The following NOX4 variants were observed in gnomAD, a reference collection of about 807,000 sequenced individuals.
The protein encoded by NOX4 is kidney oxidase-1.
NOX4 carries 69 observed loss-of-function variants against 87.6 expected under a neutral mutation model. The observed-to-expected ratio is 0.79, with a 90% confidence interval of 0.65 to 0.96. The LOEUF (loss-of-function observed/expected upper bound fraction) is 0.96. Ranked by LOEUF, NOX4 falls within the 40% of genes least tolerant of loss-of-function variation. The pLI is 0.00. For missense variants in NOX4, 680 were observed against 681.5 expected (o/e 1.00, Z 0.02); for synonymous variants, 275 against 238.2 (o/e 1.15, Z -1.42).
In NOX4 at chr11:89,342,061, C is replaced by T; in HGVS notation, c.1337+13G>A. 6.3e-7 allele frequency: 1 copy of T among 1,595,476 alleles called. No individual in the cohort carries two copies. Among genetic ancestry groups the T allele is most frequent in the Non-Finnish European group, 8.5e-7 (1 of 1,170,228 alleles). On this transcript the variant is annotated intron_variant, in intron 14 of 17. Transcript: ENST00000263317. ...CTCTATTTGGATTAACAAAATAGAT[C>T]AAAATGACATACAACAGGGTGTTGA...
the NOX4 span, among the ~76,000 whole-genome samples, chr11:89,568,609 A>C: frequency 5.9e-5 from 9 of 152,358 alleles, no homozygotes; most frequent in South Asian, 2.1e-4. Context: ...ATACTGCCCA[A>C]AGCAATTTAT....
upstream of NOX4, among the ~76,000 whole-genome samples, chr11:89,495,256 C>T (rs1183991718): frequency 2.6e-5 from 4 of 152,180 alleles, no homozygotes; most frequent in Admixed American, 2.0e-4. Flanking sequence ...GGATTACATG[C>T]ATGAGCCACT....
At chr11:89,490,910 G>A in intron 1 of NOX4, 1 of 699,626 alleles carries the variant, frequency 1.4e-6, no homozygotes. Flanking sequence ...TGTTTAAAGG[G>A]TAAAAAGAAA....
Position 89,451,825 on chromosome 11 carries a change from A to G in NOX4, c.224T>C (p.Met75Thr), listed in dbSNP as rs371619345. Residue 75 changes from methionine to threonine, a missense_variant, in exon 3 of 18, where the codon ATG (methionine) becomes ACG (threonine). Coordinates refer to ENST00000263317, the MANE Select transcript of NOX4 (RefSeq NM_016931.5). ...NLNCSLILLP[M>T]CRTLLAYLRG... ...GAGGTAAGCCAAGAGTGTTCGGCAC[A>G]TGGGTAAAAGGATAAGGCTGCAGTT... is the stretch of plus-strand genomic sequence containing the variant. The G allele has an allele frequency of 8.1e-5, 130 of 1,613,320 alleles. No homozygotes were observed. Among genetic ancestry groups the G allele is most frequent in the Non-Finnish European group, 9.2e-5 (109 of 1,179,540 alleles).
chr11:89,443,265 G>T (rs944795093), intron 5 of NOX4, among the ~76,000 whole-genome samples: 1 of 152,010 alleles, frequency 6.6e-6, no homozygotes, highest in Non-Finnish European at 1.5e-5. Flanking sequence ...GTTTTGAGAT[G>T]GAGGTCAAAC....
intron 2 of NOX4, among the ~76,000 whole-genome samples, chr11:89,471,726 T>TTTTGTTTG (rs201346245): frequency 6.0e-4 from 91 of 152,132 alleles, no homozygotes; most frequent in African/African-American, 2.1e-3. Flanking sequence ...TTTTGATTGT[T>TTTTGTTTG]TTTGTTTGTT....
chr11:89,399,445 ATATATAT>A (rs1941692055), intron 11 of NOX4, among the ~76,000 whole-genome samples: 1 of 133,138 alleles, frequency 7.5e-6, no homozygotes, highest in Non-Finnish European at 1.6e-5. Flanking sequence ...ATATATATAT[ATATATAT>A]ATATATATAT....
At chr11:89,562,667 A>C in the NOX4 span, among the ~76,000 whole-genome samples, 1 of 152,210 alleles carries the variant, frequency 6.6e-6, no homozygotes, top group South Asian at 2.1e-4. Flanking sequence ...GACCTAGCTC[A>C]AAGATTCTTT....
At chr11:89,447,374 A>AAAATATGTAT (rs1317169644) in intron 4 of NOX4, among the ~76,000 whole-genome samples, 2 of 152,206 alleles carry the variant, frequency 1.3e-5, no homozygotes. Flanking sequence ...TGTAGGTAAC[A>AAAATATGTAT]GCTATAGAAA....
chr11:89,490,612 G>T, intron 1 of NOX4, 59 bp from the exon 2 acceptor site: 1 of 1,204,684 alleles, frequency 8.3e-7, no homozygotes, highest in Non-Finnish European at 1.2e-6. Flanking sequence ...ATTACCTGAT[G>T]AATAGAAACC....
chr11:89,408,698 C>A (rs1942316009), intron 8 of NOX4, among the ~76,000 whole-genome samples: 1 of 152,158 alleles, frequency 6.6e-6, no homozygotes, highest in Admixed American at 6.6e-5. Context: ...CTAGCTCTTA[C>A]TGGTGGGGTG....
At chr11:89,463,971 G>C in intron 2 of NOX4, among the ~76,000 whole-genome samples, 1 of 151,996 alleles carries the variant, frequency 6.6e-6, no homozygotes, top group Admixed American at 6.5e-5. Flanking sequence ...TCAAAGGATT[G>C]TATATGACAA....
chr11:89,468,885 C>T (rs1444627188), intron 2 of NOX4, among the ~76,000 whole-genome samples: 2 of 152,146 alleles, frequency 1.3e-5, no homozygotes, highest in African/African-American at 4.8e-5. Flanking sequence ...GCTGGGACTA[C>T]AGGTGCATGC....
chr11:89,392,252 T>G (rs1293680659), intron 11 of NOX4, among the ~76,000 whole-genome samples: 3 of 152,142 alleles, frequency 2.0e-5, no homozygotes, highest in African/African-American at 7.2e-5. Context: ...CTTGCACTTC[T>G]GAACCTGAAT....
chr11:89,405,435 T>G (rs1232271116), intron 8 of NOX4, among the ~76,000 whole-genome samples: 1 of 152,124 alleles, frequency 6.6e-6, no homozygotes, highest in African/African-American at 2.4e-5. Flanking sequence ...CCTTACTTTG[T>G]CTTCTTTTTT....
At chr11:89,525,918 C>CT in the NOX4 span, among the ~76,000 whole-genome samples, 1 of 152,034 alleles carries the variant, frequency 6.6e-6, no homozygotes. Context: ...TGATGTTCAT[C>CT]TTTTTCCCAT....
At chr11:89,446,837 A>G (rs1409084960) in intron 4 of NOX4, among the ~76,000 whole-genome samples, 4 of 152,186 alleles carry the variant, frequency 2.6e-5, no homozygotes, top group Non-Finnish European at 5.9e-5. Flanking sequence ...AATGTATAGC[A>G]TCAAGTGTGA....
chr11:89,326,905 T>C (rs1232941112), intron 17 of NOX4, 29 bp from the exon 18 acceptor site: 3 of 1,611,342 alleles, frequency 1.9e-6, no homozygotes, highest in Non-Finnish European at 2.5e-6. Context: ...AAATGGAAAA[T>C]CAGGTGTAAA....
chr11:89,548,072 A>T, the NOX4 span: 1 of 152,056 alleles, frequency 6.6e-6, no homozygotes, highest in Non-Finnish European at 1.5e-5. Flanking sequence ...GAGGAAGACT[A>T]AATATGTATA....
Sources: gnomAD v4.1 joint callset for allele counts (sites outside exome capture counted in the v4.1 genomes callset) on GRCh38, gnomAD v4.1.1 for gene constraint, MANE v1.5 for transcripts, NCBI Gene and HGNC (gene_info 2026-07-23, HGNC 2026-07-21) for gene names.